The following TBC1D32 variants were observed in gnomAD, a reference collection of about 807,000 sequenced individuals.
TBC1D32 encodes the protein protein broad-minded.
In TBC1D32, 151 loss-of-function variants were observed where a neutral mutation model predicts 170.3. The ratio of observed to expected loss-of-function variants is 0.89; its 90% confidence interval spans 0.78 to 1.01. The LOEUF (loss-of-function observed/expected upper bound fraction) is 1.01. TBC1D32 is among the 50% of genes least tolerant of loss of function. The probability of loss-of-function intolerance (pLI) is 0.00; values close to 1 mark genes in which losing one functional copy is unlikely to be tolerated. For missense variants in TBC1D32, 1,464 were observed against 1,457.1 expected (o/e 1.00, Z -0.08); for synonymous variants, 498 against 488.0 (o/e 1.02, Z -0.27).
intron 22 of TBC1D32, among the ~76,000 whole-genome samples, chr6:121,186,281 GA>G (rs956118097): frequency 1.3e-5 from 2 of 152,072 alleles, no homozygotes; most frequent in African/African-American, 4.8e-5. Context: ...AATGGAGGCA[GA>G]GGTAAATAAA....
Position 121,239,202 on chromosome 6 carries a change from T to C in TBC1D32, c.2246-14A>G. On this transcript the variant is annotated splice_polypyrimidine_tract_variant and intron_variant, in intron 19 of 31. Transcript: ENST00000398212. ...CATTAATAAACCCTAAAAAGAATTA[T>C]TACTTCAAGTCATTTATAGCATAAT... 1 of 1,406,684 alleles carries C rather than the reference T, an allele frequency of 7.1e-7. No individual in the cohort carries two copies. Among genetic ancestry groups the C allele is most frequent in the Non-Finnish European group, 1.0e-6 (1 of 1,000,824 alleles). The allele number at this position is 1,406,684 out of a possible 1,614,324, so 87.1% of individuals were successfully genotyped here.
intron 21 of TBC1D32, among the ~76,000 whole-genome samples, chr6:121,211,048 A>C (rs1361457278): frequency 6.6e-6 from 1 of 152,174 alleles, no homozygotes; most frequent in Non-Finnish European, 1.5e-5. Context: ...TTTTGGAATC[A>C]TTTATAATAA....
At chr6:121,152,056 G>T (rs1784288249) in intron 24 of TBC1D32, among the ~76,000 whole-genome samples, 2 of 152,256 alleles carry the variant, frequency 1.3e-5, no homozygotes, top group African/African-American at 4.8e-5. Context: ...GATGCTAGCT[G>T]GTTATTTTGC....
At chr6:121,188,989 T>C (rs998936235) in intron 22 of TBC1D32, among the ~76,000 whole-genome samples, 2 of 152,194 alleles carry the variant, frequency 1.3e-5, no homozygotes, top group African/African-American at 4.8e-5. Context: ...CTGTCTTTTT[T>C]AAAAAATTAT....
In TBC1D32 at chr6:121,106,120, A is replaced by G; in HGVS notation, c.3368T>C (p.Val1123Ala). The change falls in exon 30 of 32, where the codon GTA becomes GCA. Residue 1123 changes from valine to alanine, a missense_variant. This residue lies in a region of TBC1D32 where 1,363 missense variants were observed against 1,338.1 expected (regional missense o/e 1.02). Transcript: ENST00000398212. ...NDTVESGIHP[V>A]YFCSTHYIEM... is the part of the protein sequence containing the mutation. ...AATATAATGGGTGCTGCAAAAATAT[A>G]CTGGATGGATGCCAGATTCTACAGT... is the stretch of plus-strand genomic sequence containing the variant. 6.3e-7 allele frequency: 1 copy of G among 1,596,754 alleles called. No individual in the cohort carries two copies. The highest frequency in any genetic ancestry group is 2.2e-5 in the East Asian group (1 of 44,772).
intron 24 of TBC1D32, among the ~76,000 whole-genome samples, chr6:121,155,995 C>A (rs547443689): frequency 1.3e-5 from 2 of 152,024 alleles, no homozygotes; most frequent in East Asian, 3.9e-4. Context: ...TTGTCTCTGT[C>A]AGAGTTTGGT....
intron 1 of TBC1D32, among the ~76,000 whole-genome samples, chr6:121,331,198 T>TTTG (rs59446339): frequency 0.11 from 17,132 of 151,646 alleles, 1,928 homozygotes; most frequent in African/African-American, 0.29. Context: ...TTTTTGGTTT[T>TTTG]TTGTTGTTGT....
intron 24 of TBC1D32, among the ~76,000 whole-genome samples, chr6:121,134,309 A>G (rs1350310659): frequency 6.6e-6 from 1 of 152,098 alleles, no homozygotes; most frequent in Non-Finnish European, 1.5e-5. Context: ...TCTGTTATTT[A>G]TAAATCTGTT....
chr6:121,303,705 T>C lies in TBC1D32; in HGVS notation c.992A>G (p.Gln331Arg), dbSNP rs1333291123. Residue 331 changes from glutamine (Q) to arginine (R), a missense_variant, in exon 9 of 32, where the codon CAA becomes CGA. Gln to Arg is a conservative substitution (Grantham distance 43). Around this residue, in one of 3 missense-constraint regions of TBC1D32, gnomAD observed 1,363 missense variants for 1,338.1 expected, o/e 1.02. Transcript: ENST00000398212. ...AATCTTTTGTGAGACAACATGGCTT[T>C]GATTATGTTTAACTGTTAACAAGGA... ...TLSLLTVKHN[Q>R]SHVVSQKILD... The C allele has an allele frequency of 6.3e-7, 1 of 1,597,036 alleles. No homozygotes were observed. The highest frequency in any genetic ancestry group is 1.3e-5 in the African/African-American group (1 of 74,846).
Position 121,317,477 on chromosome 6 carries a change from C to T in TBC1D32, c.495+18G>A, listed in dbSNP as rs753362911. On this transcript the variant is annotated intron_variant, in intron 3 of 31. Coordinates refer to ENST00000398212, the MANE Select transcript of TBC1D32 (RefSeq NM_152730.6). Reference sequence around the variant, plus strand: ...TAAACAGCATTTCAAGACATAAATGCAAAACTGAACAACACACCTGATTCA... The same window carrying T: ...TAAACAGCATTTCAAGACATAAATGTAAAACTGAACAACACACCTGATTCA... 34 of 1,518,496 alleles carry T rather than the reference C, an allele frequency of 2.2e-5. No individual in the cohort carries two copies. The East Asian group carries it at 7.6e-4, about 34-fold the overall frequency. The allele number at this position is 1,518,496 out of a possible 1,614,324, so 94.1% of individuals were successfully genotyped here.
intron 29 of TBC1D32, among the ~76,000 whole-genome samples, chr6:121,107,117 CT>C (rs999810031): frequency 2.0e-5 from 3 of 151,838 alleles, no homozygotes; most frequent in Non-Finnish European, 4.4e-5. Context: ...TATCTTCTTG[CT>C]TTTACTGGAC....
At chr6:121,170,623 A>T in intron 22 of TBC1D32, 1 of 806,968 alleles carries the variant, frequency 1.2e-6, no homozygotes, top group Non-Finnish European at 1.7e-6. Context: ...TGTACATCAA[A>T]ATCTAAATCT....
At chr6:121,197,783 G>T (rs940477750) in intron 22 of TBC1D32, among the ~76,000 whole-genome samples, 4 of 152,170 alleles carry the variant, frequency 2.6e-5, no homozygotes, top group African/African-American at 9.7e-5. Flanking sequence ...GGTTAATACT[G>T]CATGTCAACT....
At chr6:121,280,674 C>G (rs978513524) in intron 14 of TBC1D32, among the ~76,000 whole-genome samples, 14 of 151,540 alleles carry the variant, frequency 9.2e-5, no homozygotes, top group Non-Finnish European at 1.8e-4. Context: ...ATATAATAAC[C>G]TTATTTAGAA....
chr6:121,127,688 A>C (rs927091892), intron 25 of TBC1D32, among the ~76,000 whole-genome samples: 9 of 152,240 alleles, frequency 5.9e-5, no homozygotes, highest in Non-Finnish European at 1.3e-4. Flanking sequence ...TACTGTCTCG[A>C]GATTATAAAT....
chr6:121,129,182 A>G (rs577297609), intron 25 of TBC1D32, among the ~76,000 whole-genome samples: 1 of 152,368 alleles, frequency 6.6e-6, no homozygotes, highest in East Asian at 1.9e-4. Context: ...AGATATCATC[A>G]TAACAATAAC....
At position 121,111,017 on chromosome 6, in the gene TBC1D32, G is replaced by A. The variant is rs1223563824; in HGVS notation, c.3324+1488C>T. 2.6e-5 allele frequency among the ~76,000 whole-genome samples: 4 copies of A among 152,234 alleles called. No individual in the cohort carries two copies. The East Asian group carries it at 7.7e-4, about 29-fold the overall frequency. On this transcript the variant is annotated intron_variant, in intron 29 of 31. Transcript: ENST00000398212. The stretch of plus-strand genomic sequence containing the variant: ...GACAGTGTAGCTGCATCAGTAGAAA[G>A]GTGTCAAGGCTTTACATCAAGAGAT...
rs569867794 is a variant in TBC1D32, at chr6:121,124,542, A to G, written c.2983+1836T>C. 2.0e-5 allele frequency among the ~76,000 whole-genome samples: 3 copies of G among 151,846 alleles called. No individual in the cohort carries two copies. The South Asian group carries it at 6.2e-4, about 32-fold the overall frequency. On this transcript the variant is annotated intron_variant, in intron 26 of 31. Coordinates refer to ENST00000398212, the MANE Select transcript of TBC1D32 (RefSeq NM_152730.6). Reference sequence around the variant, plus strand: ...AGTGGAATCTAATTGTTGACCTTTGACCTTCTTGTATCTAGTCATCTGTAC... The same window carrying G: ...AGTGGAATCTAATTGTTGACCTTTGGCCTTCTTGTATCTAGTCATCTGTAC...
intron 2 of TBC1D32, 33 bp downstream of exon 2, chr6:121,321,600 G>A: frequency 6.3e-7 from 1 of 1,594,226 alleles, no homozygotes; most frequent in Non-Finnish European, 8.6e-7. Context: ...GTTGAAGAAG[G>A]TTATTTGAAG....
Sources: gnomAD v4.1 joint callset for allele counts (sites outside exome capture counted in the v4.1 genomes callset) on GRCh38, gnomAD v4.1.1 for gene constraint, gnomAD v4.1.1 regional missense constraint, MANE v1.5 for transcripts, NCBI Gene and HGNC (gene_info 2026-07-23, HGNC 2026-07-21) for gene names.